The following CORO1C variants were observed in gnomAD, a reference collection of about 807,000 sequenced individuals.
CORO1C encodes coronin-1C.
Under a neutral mutation model 51.2 loss-of-function variants are expected in CORO1C, and 14 were observed. That is an observed-to-expected ratio of 0.27 (90% CI 0.18 to 0.43). The LOEUF is 0.43. Ranked by LOEUF, CORO1C falls within the 20% of genes least tolerant of loss-of-function variation. The pLI, the probability that CORO1C is intolerant of heterozygous loss-of-function variation, is 1.00. For synonymous variants in CORO1C, 181 were observed against 210.5 expected (o/e 0.86, Z 1.21); for missense variants, 417 against 607.8 (o/e 0.69, Z 3.30).
intron 1 of CORO1C, among the ~76,000 whole-genome samples, chr12:108,711,384 A>G (rs1356337498): frequency 6.6e-6 from 1 of 152,000 alleles, no homozygotes; most frequent in African/African-American, 2.4e-5. Context: ...CACAAAATAC[A>G]AAAGAAAGAA....
intron 3 of CORO1C, among the ~76,000 whole-genome samples, chr12:108,668,118 G>C (rs1483636522): frequency 6.6e-6 from 1 of 152,154 alleles, no homozygotes; most frequent in Non-Finnish European, 1.5e-5. Flanking sequence ...TTCCAAATGG[G>C]AAATGAAGAA....
intron 3 of CORO1C, among the ~76,000 whole-genome samples, chr12:108,667,947 ATTAG>A (rs1315039739): frequency 6.6e-6 from 1 of 152,216 alleles, no homozygotes; most frequent in African/African-American, 2.4e-5. Context: ...TTAAAGTACA[ATTAG>A]TTAAATAGTT....
At chr12:108,657,660 C>A (rs971092118) in intron 5 of CORO1C, among the ~76,000 whole-genome samples, 1 of 152,232 alleles carries the variant, frequency 6.6e-6, no homozygotes, top group Non-Finnish European at 1.5e-5. Context: ...AGAAGACTCG[C>A]TCTCTCCACC....
At chr12:108,707,506 A>C (rs994361950) in intron 1 of CORO1C, among the ~76,000 whole-genome samples, 2 of 152,230 alleles carry the variant, frequency 1.3e-5, no homozygotes, top group African/African-American at 2.4e-5. Flanking sequence ...AAAGACCTAG[A>C]CATAAGAGCT....
intron 2 of CORO1C, among the ~76,000 whole-genome samples, chr12:108,690,070 G>C (rs2034442951): frequency 6.6e-6 from 1 of 152,142 alleles, no homozygotes; most frequent in African/African-American, 2.4e-5. Flanking sequence ...TTAAGCCCCT[G>C]CTGCTCCACG....
At chr12:108,709,938 C>T (rs772559175) in intron 1 of CORO1C, among the ~76,000 whole-genome samples, 3 of 152,164 alleles carry the variant, frequency 2.0e-5, no homozygotes, top group South Asian at 2.1e-4. Context: ...AAGAGGAAGA[C>T]GATGTAGCAG....
chr12:108,713,896 C>T (rs1019662519), intron 1 of CORO1C, among the ~76,000 whole-genome samples: 31 of 152,012 alleles, frequency 2.0e-4, no homozygotes, highest in African/African-American at 7.2e-4. Context: ...TTGTGTAACA[C>T]TTTAAATGTG....
intron 1 of CORO1C, among the ~76,000 whole-genome samples, chr12:108,719,598 G>A (rs1305234971): frequency 6.6e-6 from 1 of 152,116 alleles, no homozygotes; most frequent in Non-Finnish European, 1.5e-5. Flanking sequence ...ATGCCCTAAG[G>A]CCTGCCCTAT....
At chr12:108,695,870 A>C (rs895812144) in intron 2 of CORO1C, among the ~76,000 whole-genome samples, 2 of 151,870 alleles carry the variant, frequency 1.3e-5, no homozygotes, top group African/African-American at 2.4e-5. Context: ...AAAAAAAAAA[A>C]AAAAACAGTC....
At chr12:108,716,126 G>A (rs1254625866) in intron 1 of CORO1C, among the ~76,000 whole-genome samples, 3 of 36,496 alleles carry the variant, frequency 8.2e-5, no homozygotes, top group East Asian at 7.7e-4. Flanking sequence ...AGACTCTGTC[G>A]CAAAAAAAAA....
rs367547958 is a variant in CORO1C, at chr12:108,657,890, G to A, written c.631-467C>T. Among the ~76,000 whole-genome samples the A allele has an allele frequency of 4.6e-5, 7 of 152,268 alleles. No homozygotes were observed. In the South Asian group the frequency reaches 8.3e-4, roughly 18 times the overall value. On this transcript the variant is annotated intron_variant, in intron 5 of 10. Transcript: ENST00000261401. ...ACTAGGACAACCCTTAGAAGATGTC[G>A]GGTGGAGAAAACACTTAACACAGGG...
intron 1 of CORO1C, among the ~76,000 whole-genome samples, chr12:108,703,557 G>C (rs1268804990): frequency 6.6e-6 from 1 of 152,182 alleles, no homozygotes; most frequent in Non-Finnish European, 1.5e-5. Flanking sequence ...TGAGTCTCAG[G>C]AGGAGCGCAC....
chr12:108,661,885 G>A (rs983017988), intron 4 of CORO1C, 144 bp downstream of exon 4: 3 of 829,530 alleles, frequency 3.6e-6, no homozygotes, highest in Non-Finnish European at 5.7e-6. Flanking sequence ...TGGGGGAGCA[G>A]TGCACCCCAA....
intron 2 of CORO1C, among the ~76,000 whole-genome samples, chr12:108,680,268 T>G (rs958546364): frequency 1.1e-4 from 16 of 152,316 alleles, no homozygotes; most frequent in Admixed American, 7.9e-4. Context: ...GAGGTTTTCT[T>G]CTGGGAAAGG....
chr12:108,698,285 C>T (rs926521784), intron 2 of CORO1C, among the ~76,000 whole-genome samples: 1 of 152,214 alleles, frequency 6.6e-6, no homozygotes, highest in Admixed American at 6.5e-5. Context: ...AAAAATGGAA[C>T]AAAACTGTTT....
intron 2 of CORO1C, among the ~76,000 whole-genome samples, chr12:108,678,803 C>T (rs150413643): frequency 6.7e-6 from 1 of 150,032 alleles, no homozygotes; most frequent in Admixed American, 6.6e-5. Context: ...ATATAAATTA[C>T]CAGTTCTGGA....
chr12:108,714,257 C>G (rs988478419), intron 1 of CORO1C, among the ~76,000 whole-genome samples: 2 of 151,890 alleles, frequency 1.3e-5, no homozygotes, highest in Non-Finnish European at 2.9e-5. Context: ...GGCGTGGTGG[C>G]GCACAACTGT....
At chr12:108,707,009 G>A (rs2035049498) in intron 1 of CORO1C, among the ~76,000 whole-genome samples, 1 of 152,174 alleles carries the variant, frequency 6.6e-6, no homozygotes, top group South Asian at 2.1e-4. Context: ...CTCATACTCT[G>A]AAAACTCAAA....
At chr12:108,708,802 C>T (rs1280081513) in intron 1 of CORO1C, among the ~76,000 whole-genome samples, 1 of 151,810 alleles carries the variant, frequency 6.6e-6, no homozygotes, top group Non-Finnish European at 1.5e-5. Flanking sequence ...ACTCTGCACT[C>T]AGTGTAGTGG....
Sources: allele counts gnomAD v4.1 joint callset (sites outside exome capture counted in the v4.1 genomes callset), GRCh38; gene constraint gnomAD v4.1.1; transcripts MANE v1.5; gene names NCBI Gene and HGNC (gene_info 2026-07-23, HGNC 2026-07-21).